The following SC5D variants were observed in gnomAD, a reference collection of about 807,000 sequenced individuals.
The protein encoded by SC5D is sterol-C5-desaturase.
SC5D carries 21 observed loss-of-function variants against 23.9 expected under a neutral mutation model. The ratio of observed to expected loss-of-function variants is 0.88; its 90% CI spans 0.62 to 1.26. The LOEUF is 1.26. SC5D is among the 50% of genes most tolerant of loss of function. The pLI, the probability that SC5D is intolerant of heterozygous loss-of-function variation, is 0.00. For synonymous variants in SC5D, 113 were observed against 125.9 expected (o/e 0.90, Z 0.68); for missense variants, 309 against 364.8 (o/e 0.85, Z 1.25).
At chr11:121,300,361 ACAG>A (rs1186935514) in intron 1 of SC5D, among the ~76,000 whole-genome samples, 2 of 152,180 alleles carry the variant, frequency 1.3e-5, no homozygotes, top group Non-Finnish European at 2.9e-5. Flanking sequence ...ACTATGAAAA[ACAG>A]CAGCCTGGAT....
intron 1 of SC5D, among the ~76,000 whole-genome samples, chr11:121,299,938 A>G (rs755634892): frequency 5.3e-5 from 8 of 152,188 alleles, no homozygotes; most frequent in Non-Finnish European, 1.0e-4. Flanking sequence ...ACCCCCAAAT[A>G]TTTGATTTAT....
Position 121,307,545 on chromosome 11 carries a change from A to C in SC5D, c.*33A>C. ...CCCAGTTATTCTTAAGTAAGGACAAAGAAGGAAATATCATCGTATTTCTTT... is the reference window on the plus strand; with the variant it reads ...CCCAGTTATTCTTAAGTAAGGACAACGAAGGAAATATCATCGTATTTCTTT... On this transcript the variant is annotated 3_prime_UTR_variant, in exon 5 of 5. Transcript: ENST00000264027. The C allele has an allele frequency of 7.2e-7, 1 of 1,391,986 alleles. No individual in the cohort carries two copies. The highest frequency in any genetic ancestry group is 1.2e-5 in the South Asian group (1 of 81,494). The allele number at this position is 1,391,986 out of a possible 1,614,324, so 86.2% of individuals were successfully genotyped here. A position where few individuals can be genotyped will look rare whatever the true frequency, so the allele number is the denominator to read the frequency against.
chr11:121,302,176 C>T (rs987413209), intron 1 of SC5D, among the ~76,000 whole-genome samples: 53 of 152,118 alleles, frequency 3.5e-4, no homozygotes, highest in African/African-American at 1.3e-3. Flanking sequence ...ATTTTCCTTA[C>T]CTGTGGGCTA....
In SC5D at chr11:121,307,137, T is replaced by A. The variant is rs1278785705; in HGVS notation, c.525T>A (p.Leu175=). The change falls in exon 5 of 5, where the codon CTT becomes CTA. Residue 175 remains leucine, a synonymous_variant. Transcript: ENST00000264027. The part of the protein sequence containing the change: ...SHAFHPIDGF[L]QSLPYHIYPF... ...CTTTTCACCCTATTGATGGCTTTCT[T>A]CAGAGTCTACCTTACCATATATACC... 6.2e-7 allele frequency: 1 copy of A among 1,614,202 alleles called. No individual in the cohort carries two copies. Among genetic ancestry groups the A allele is most frequent in the Non-Finnish European group, 8.5e-7 (1 of 1,180,016 alleles).
At chr11:121,294,549 A>G (rs537001684) in intron 1 of SC5D, among the ~76,000 whole-genome samples, 1 of 152,196 alleles carries the variant, frequency 6.6e-6, no homozygotes, top group South Asian at 2.1e-4. Context: ...AAATATTTAT[A>G]TTACCTAGTA....
chr11:121,306,660 G>A lies in SC5D; in HGVS notation c.444+174G>A, dbSNP rs765930166. On this transcript the variant is annotated intron_variant, in intron 4 of 4. Coordinates refer to ENST00000264027, the MANE Select transcript of SC5D (RefSeq NM_006918.5). ...TTCATATTCTTCTTTATGGGTCTAA[G>A]GGGCTGTCTTAAAATTCGTCTGTTC... 5.8e-6 allele frequency: 4 copies of A among 689,268 alleles called. No homozygotes were observed. In the Admixed American group the frequency reaches 6.1e-5, roughly 11 times the overall value. 42.7% of individuals were successfully genotyped at this position (689,268 alleles called of 1,614,324 possible).
At chr11:121,300,759 T>G (rs1403908801) in intron 1 of SC5D, among the ~76,000 whole-genome samples, 1 of 152,150 alleles carries the variant, frequency 6.6e-6, no homozygotes, top group African/African-American at 2.4e-5. Flanking sequence ...CCTTGAGGGT[T>G]TACGCAAGCA....
Position 121,309,456 on chromosome 11 carries a change from A to G in SC5D, c.*1944A>G, listed in dbSNP as rs889148224. On this transcript the variant is annotated 3_prime_UTR_variant, in exon 5 of 5. Transcript: ENST00000264027. Reference sequence around the variant, plus strand: ...GCACCATTTTCTTGAGCAGCTAGACAGTTTGCCGTATTTGTGGTGTTCTCC... The same window carrying G: ...GCACCATTTTCTTGAGCAGCTAGACGGTTTGCCGTATTTGTGGTGTTCTCC... Among the ~76,000 whole-genome samples the G allele has an allele frequency of 1.3e-5, 2 of 152,178 alleles. No individual in the cohort carries two copies. Among genetic ancestry groups the G allele is most frequent in the Non-Finnish European group, 2.9e-5 (2 of 68,044 alleles).
At chr11:121,297,725 A>C (rs1010392715) in intron 1 of SC5D, among the ~76,000 whole-genome samples, 1 of 152,222 alleles carries the variant, frequency 6.6e-6, no homozygotes, top group Non-Finnish European at 1.5e-5. Context: ...TGAAGATTCT[A>C]ACCATGTTTC....
At chr11:121,293,969 C>T (rs1947871314) in intron 1 of SC5D, among the ~76,000 whole-genome samples, 1 of 152,142 alleles carries the variant, frequency 6.6e-6, no homozygotes. Flanking sequence ...GTTTCCCTAT[C>T]TATAAAGTGG....
intron 1 of SC5D, among the ~76,000 whole-genome samples, chr11:121,295,916 A>G (rs1298295816): frequency 1.3e-5 from 2 of 152,012 alleles, no homozygotes; most frequent in African/African-American, 4.8e-5. Flanking sequence ...CTTGCGCGAA[A>G]TCTCTGCTGG....
intron 3 of SC5D, 154 bp from the exon 4 acceptor site, chr11:121,306,232 G>T: frequency 1.6e-6 from 1 of 641,424 alleles, no homozygotes. Flanking sequence ...GAAGCCAAGA[G>T]AGATTAGTTT....
intron 1 of SC5D, among the ~76,000 whole-genome samples, chr11:121,293,539 T>C (rs118177620): frequency 6.6e-6 from 1 of 152,140 alleles, no homozygotes; most frequent in South Asian, 2.1e-4. Context: ...GGAAAAATAA[T>C]GTATACTGAC....
chr11:121,301,780 A>G (rs1015035615), intron 1 of SC5D, among the ~76,000 whole-genome samples: 1 of 152,160 alleles, frequency 6.6e-6, no homozygotes, highest in Non-Finnish European at 1.5e-5. Flanking sequence ...CTGTTTCTTT[A>G]AAAACAAAAA....
chr11:121,307,603 TCAAGA>T lies in SC5D; in HGVS notation c.*92_*96del. Reference sequence around the variant, plus strand: ...TAAGGAAAAAATAATATCCATACAGTCAAGATACATAGTAAATGGTATCATTTGGA... The same window carrying T: ...TAAGGAAAAAATAATATCCATACAGTTACATAGTAAATGGTATCATTTGGA... On this transcript the variant is annotated 3_prime_UTR_variant, in exon 5 of 5. Transcript: ENST00000264027. 1.2e-6 allele frequency: 1 copy of T among 809,168 alleles called. No individual in the cohort carries two copies. 50.1% of individuals were successfully genotyped at this position (809,168 alleles called of 1,614,324 possible).
intron 1 of SC5D, among the ~76,000 whole-genome samples, chr11:121,295,253 CT>C (rs1451618600): frequency 6.6e-6 from 1 of 152,134 alleles, no homozygotes; most frequent in African/African-American, 2.4e-5. Flanking sequence ...ACACAGTTTG[CT>C]TTTATACATT....
intron 1 of SC5D, among the ~76,000 whole-genome samples, chr11:121,294,308 A>C (rs1947874233): frequency 6.6e-6 from 1 of 152,174 alleles, no homozygotes; most frequent in Non-Finnish European, 1.5e-5. Context: ...ATTTTTAAAA[A>C]TTCAGGAGTT....
rs1169447482 is a variant in SC5D, at chr11:121,307,505, C to G, written c.893C>G (p.Thr298Ser). The G allele has an allele frequency of 6.3e-7, 1 of 1,588,148 alleles. No individual in the cohort carries two copies. The highest frequency in any genetic ancestry group is 8.6e-7 in the Non-Finnish European group (1 of 1,164,152). Residue 298 changes from threonine to serine, a missense_variant, in exon 5 of 5, where the codon ACT becomes AGT. Transcript: ENST00000264027. ...TTATTCAATGGAGAGTTTACAAAGA[C>G]TGAATAGATTATTGCCCAGTTATTC... The part of the protein sequence containing the change: ...EKLFNGEFTK[T>S]E
rs1423424153 is a variant in SC5D at position 121,309,550 on chromosome 11, G to A, written c.*2038G>A. Among the ~76,000 whole-genome samples the A allele has an allele frequency of 6.6e-6, 1 of 152,176 alleles. No homozygotes were observed. The highest frequency in any genetic ancestry group is 2.4e-5 in the African/African-American group (1 of 41,432). On this transcript the variant is annotated 3_prime_UTR_variant, in exon 5 of 5. Coordinates refer to ENST00000264027, the MANE Select transcript of SC5D (RefSeq NM_006918.5). ...GGTTATCCACACACTAATCATCTCA[G>A]TGTCTTTAATTCTTAACTCCAATAT... is the stretch of plus-strand genomic sequence containing the variant.
Sources: gnomAD v4.1 joint callset for allele counts (sites outside exome capture counted in the v4.1 genomes callset) on GRCh38, gnomAD v4.1.1 for gene constraint, MANE v1.5 for transcripts, NCBI Gene and HGNC (gene_info 2026-07-23, HGNC 2026-07-21) for gene names.